The following DOCK7 variants were observed in gnomAD, a reference collection of about 807,000 sequenced individuals.
The protein encoded by DOCK7 is dedicator of cytokinesis protein 7.
In DOCK7, 138 loss-of-function variants were observed where a neutral mutation model predicts 271.0. That is an observed-to-expected ratio of 0.51 (90% confidence interval 0.44 to 0.59). The LOEUF is 0.59. DOCK7 is among the 20% of genes least tolerant of loss of function. The pLI is 0.00. For synonymous variants in DOCK7, 823 were observed against 876.1 expected, an observed-to-expected ratio of 0.94 and a Z score of 1.07; for missense variants, 2,066 against 2,592.4, an observed-to-expected ratio of 0.80 and a Z score of 4.41.
At chr1:62,668,989 AAT>A (rs1659633632) in intron 1 of DOCK7, among the ~76,000 whole-genome samples, 1 of 152,146 alleles carries the variant, frequency 6.6e-6, no homozygotes, top group Non-Finnish European at 1.5e-5. Flanking sequence ...GAACAAATCA[AAT>A]ATGAAGTAAG....
chr1:62,674,788 T>C (rs2149754309), intron 1 of DOCK7, among the ~76,000 whole-genome samples: 1 of 152,256 alleles, frequency 6.6e-6, no homozygotes, highest in East Asian at 1.9e-4. Context: ...TCTCAAACCA[T>C]GCATAAAAAC....
intron 22 of DOCK7, among the ~76,000 whole-genome samples, chr1:62,548,541 C>G (rs561710634): frequency 6.6e-6 from 1 of 151,978 alleles, no homozygotes; most frequent in Non-Finnish European, 1.5e-5. Flanking sequence ...CTGCCTCAGC[C>G]TCCTGAGTAG....
At chr1:62,623,594 G>T (rs1271948576) in intron 12 of DOCK7, among the ~76,000 whole-genome samples, 1 of 152,170 alleles carries the variant, frequency 6.6e-6, no homozygotes, top group Non-Finnish European at 1.5e-5. Flanking sequence ...AGAAAGCTGT[G>T]GAAATACCAA....
chr1:62,634,979 C>T (rs1655077612), intron 8 of DOCK7, 57 bp from the exon 9 acceptor site: 1 of 1,245,304 alleles, frequency 8.0e-7, no homozygotes, highest in Non-Finnish European at 1.1e-6. Context: ...GTGTCTATTT[C>T]TTAAAAGAAA....
intron 20 of DOCK7, among the ~76,000 whole-genome samples, chr1:62,557,896 T>C (rs1646198732): frequency 6.6e-6 from 1 of 152,176 alleles, no homozygotes; most frequent in African/African-American, 2.4e-5. Context: ...CAGGAACTCA[T>C]CATTTTTTGT....
At chr1:62,482,521 ACAGGGTTTCTCCATGTTGGT>A (rs1282573065) in intron 43 of DOCK7, 2 of 152,100 alleles carry the variant, frequency 1.3e-5, no homozygotes, top group African/African-American at 2.4e-5. Context: ...TTTAGTACAG[ACAGGGTTTCTCCATGTTGGT>A]CAGGCTTAGG....
intron 1 of DOCK7, among the ~76,000 whole-genome samples, chr1:62,682,425 A>G (rs1661273111): frequency 6.6e-6 from 1 of 152,232 alleles, no homozygotes; most frequent in Admixed American, 6.5e-5. Context: ...TATGTGTCAG[A>G]TATCCATGGG....
intron 33 of DOCK7, among the ~76,000 whole-genome samples, chr1:62,512,463 C>G (rs1226302089): frequency 6.6e-6 from 1 of 152,276 alleles, no homozygotes; most frequent in South Asian, 2.1e-4. Flanking sequence ...GATTAAGTGA[C>G]TTGGCCAAGG....
At chr1:62,504,869 T>C (rs759117115) in intron 36 of DOCK7, 87 bp from the exon 37 acceptor site, 42 of 1,433,250 alleles carry the variant, frequency 2.9e-5, no homozygotes, top group Non-Finnish European at 3.7e-5. Context: ...GGAGACTTGT[T>C]AGTATAGCCC....
chr1:62,558,910 C>G (rs1401959953), intron 20 of DOCK7, 79 bp downstream of exon 20: 31 of 1,156,008 alleles, frequency 2.7e-5, no homozygotes, highest in Non-Finnish European at 3.8e-5. Flanking sequence ...AAATAGAAAT[C>G]ATGTTTTTTT....
intron 1 of DOCK7, among the ~76,000 whole-genome samples, chr1:62,680,216 C>A (rs1432768425): frequency 6.6e-6 from 1 of 152,056 alleles, no homozygotes; most frequent in Non-Finnish European, 1.5e-5. Flanking sequence ...CAGAACAGAG[C>A]CCTCAGAAAT....
chr1:62,583,085 C>A, intron 16 of DOCK7, 99 bp downstream of exon 16: 1 of 959,384 alleles, frequency 1.0e-6, no homozygotes, highest in Non-Finnish European at 1.6e-6. Flanking sequence ...GAATTTGGCA[C>A]ATTTAGTGCA....
chr1:62,536,861 CT>C (rs1459845409), intron 28 of DOCK7, among the ~76,000 whole-genome samples: 1 of 152,152 alleles, frequency 6.6e-6, no homozygotes, highest in Non-Finnish European at 1.5e-5. Flanking sequence ...AAAATATAGG[CT>C]TCTCTGATAC....
intron 19 of DOCK7, among the ~76,000 whole-genome samples, chr1:62,560,196 C>T (rs932441549): frequency 1.3e-5 from 2 of 152,120 alleles, no homozygotes; most frequent in South Asian, 2.1e-4. Flanking sequence ...CGTAAGTCCT[C>T]CTAGCAAATC....
At chr1:62,642,277 T>G (rs994498855) in intron 7 of DOCK7, among the ~76,000 whole-genome samples, 1 of 151,914 alleles carries the variant, frequency 6.6e-6, no homozygotes, top group Non-Finnish European at 1.5e-5. Context: ...CCCGGCTAAT[T>G]TTTTGTATTT....
intron 14 of DOCK7, chr1:62,604,793 A>T: frequency 6.2e-7 from 1 of 1,613,100 alleles, no homozygotes; most frequent in Non-Finnish European, 8.5e-7. Flanking sequence ...TGATCCATCC[A>T]ACAGATTCAG....
chr1:62,490,710 C>A (rs529011575), intron 41 of DOCK7, among the ~76,000 whole-genome samples: 1 of 151,882 alleles, frequency 6.6e-6, no homozygotes, highest in Non-Finnish European at 1.5e-5. Flanking sequence ...GGTTACTGTC[C>A]CCCAATCTAA....
chr1:62,532,792 C>T (rs558031201), intron 29 of DOCK7, among the ~76,000 whole-genome samples: 1 of 152,068 alleles, frequency 6.6e-6, no homozygotes, highest in Non-Finnish European at 1.5e-5. Flanking sequence ...AGTGCAAAGG[C>T]CTGAAGGTGG....
At position 62,495,676 on chromosome 1, in the gene DOCK7, C is replaced by T. The variant is rs1256420910; in HGVS notation, c.4929G>A (p.Gln1643=). The change falls in exon 39 of 50, where the codon CAG becomes CAA. Residue 1643 remains glutamine (Q), a synonymous_variant. Coordinates refer to ENST00000635253, the MANE Select transcript of DOCK7 (RefSeq NM_001367561.1). ...TCATATGGAGATTGAAAACCAGATC[C>T]TGGACCTGCAGCAGAGAATTATATG... is the stretch of plus-strand genomic sequence containing the variant. ...LRETTFPDQV[Q]DLVFNLHMIL... is the part of the protein sequence containing the mutation. 6.3e-7 allele frequency: 1 copy of T among 1,583,678 alleles called. No individual in the cohort carries two copies. The highest frequency in any genetic ancestry group is 2.0e-5 in the Admixed American group (1 of 49,952).
Sources: gnomAD v4.1 joint callset for allele counts (sites outside exome capture counted in the v4.1 genomes callset) on GRCh38, gnomAD v4.1.1 for gene constraint, MANE v1.5 for transcripts, NCBI Gene and HGNC (gene_info 2026-07-23, HGNC 2026-07-21) for gene names.